Variants in VOPP1 observed in about 807,000 individuals in gnomAD.
VOPP1 encodes WW domain binding protein VOPP1.
In VOPP1, 8 loss-of-function variants were observed where a neutral mutation model predicts 23.5. The ratio of observed to expected loss-of-function variants is 0.34; its 90% CI spans 0.20 to 0.61. The LOEUF is 0.61. Among genes scored for constraint, VOPP1 ranks in the 20% least tolerant of loss-of-function variants. VOPP1 has a pLI of 0.78. For synonymous variants in VOPP1, 83 were observed against 97.3 expected, an observed-to-expected ratio of 0.85 and a Z score of 0.86; for missense variants, 174 against 238.1, an observed-to-expected ratio of 0.73 and a Z score of 1.77.
At chr7:55,447,479 G>A (rs1402402981) in intron 4 of VOPP1, among the ~76,000 whole-genome samples, 1 of 152,196 alleles carries the variant, frequency 6.6e-6, no homozygotes, top group African/African-American at 2.4e-5. Flanking sequence ...TCAAAGGACA[G>A]GGGAGAGACT....
chr7:55,444,729 A>T (rs1291525409), intron 4 of VOPP1, among the ~76,000 whole-genome samples: 68 of 116,568 alleles, frequency 5.8e-4, no homozygotes, highest in African/African-American at 1.8e-3. Context: ...TTTTTTTTTT[A>T]AATCTAAACA....
At chr7:55,554,171 T>C (rs1038367527) in intron 1 of VOPP1, among the ~76,000 whole-genome samples, 40 of 152,234 alleles carry the variant, frequency 2.6e-4, no homozygotes, top group Non-Finnish European at 8.8e-5. Context: ...ACTTTCCAAG[T>C]GGCTGGTCAA....
rs770492965 is a variant in VOPP1 at position 55,485,967 on chromosome 7, C to T, written c.328+6315G>A. Reference sequence around the variant, plus strand: ...CCCACGGGGAGAGGAATGCAGCCAGCGAGGCGGGCGGGGGACCTGTCAGAC... The same window carrying T: ...CCCACGGGGAGAGGAATGCAGCCAGTGAGGCGGGCGGGGGACCTGTCAGAC... On this transcript the variant is annotated intron_variant, in intron 4 of 4. Transcript: ENST00000285279. 3.9e-5 allele frequency among the ~76,000 whole-genome samples: 6 copies of T among 152,340 alleles called. No individual in the cohort carries two copies. The East Asian group carries it at 7.7e-4, about 20-fold the overall frequency.
chr7:55,494,793 G>C (rs1265178769), intron 3 of VOPP1, among the ~76,000 whole-genome samples: 1 of 152,140 alleles, frequency 6.6e-6, no homozygotes, highest in Non-Finnish European at 1.5e-5. Context: ...AACTAACAAA[G>C]GGGCAGGAGA....
At chr7:55,510,399 T>G (rs528543174) in intron 2 of VOPP1, among the ~76,000 whole-genome samples, 21 of 152,194 alleles carry the variant, frequency 1.4e-4, no homozygotes, top group South Asian at 6.2e-4. Flanking sequence ...ATAAACTTGT[T>G]TGTGGAGGCC....
intron 4 of VOPP1, among the ~76,000 whole-genome samples, chr7:55,479,151 T>C (rs1792502642): frequency 2.0e-5 from 1 of 50,990 alleles, no homozygotes; most frequent in African/African-American, 4.2e-5. Context: ...GAACATTTTC[T>C]TTTTTTTTTT....
At chr7:55,481,271 G>C (rs1385630877) in intron 4 of VOPP1, among the ~76,000 whole-genome samples, 1 of 152,230 alleles carries the variant, frequency 6.6e-6, no homozygotes, top group African/African-American at 2.4e-5. Flanking sequence ...CCGCTGGGCA[G>C]CCAGGAGGGG....
At chr7:55,508,935 T>C (rs1794900821) in intron 2 of VOPP1, among the ~76,000 whole-genome samples, 1 of 152,288 alleles carries the variant, frequency 6.6e-6, no homozygotes, top group East Asian at 1.9e-4. Flanking sequence ...TCCTAGCGAC[T>C]CAGAGGCTGA....
At chr7:55,464,927 C>A (rs942893425) in intron 4 of VOPP1, among the ~76,000 whole-genome samples, 6 of 152,152 alleles carry the variant, frequency 3.9e-5, no homozygotes, top group Admixed American at 2.0e-4. Context: ...GAGGGGCTCT[C>A]CTGTGGCTAG....
intron 1 of VOPP1, among the ~76,000 whole-genome samples, chr7:55,529,731 A>G (rs1796392035): frequency 6.6e-6 from 1 of 152,190 alleles, no homozygotes; most frequent in Non-Finnish European, 1.5e-5. Flanking sequence ...GTTGTTCTGC[A>G]GTCAATTCCA....
chr7:55,556,379 G>A (rs778810430), intron 1 of VOPP1, among the ~76,000 whole-genome samples: 1 of 152,280 alleles, frequency 6.6e-6, no homozygotes, highest in African/African-American at 2.4e-5. Context: ...TGGATTCCAT[G>A]AGCCAAAATT....
intron 2 of VOPP1, among the ~76,000 whole-genome samples, chr7:55,504,953 C>T (rs116885887): frequency 1.4e-3 from 215 of 152,332 alleles, no homozygotes; most frequent in Non-Finnish European, 2.4e-3. Context: ...GTTCTGTCTT[C>T]TCATGCTGTA....
At chr7:55,534,228 TAGAC>T (rs1796653281) in intron 1 of VOPP1, among the ~76,000 whole-genome samples, 2 of 150,474 alleles carry the variant, frequency 1.3e-5, no homozygotes, top group Non-Finnish European at 2.9e-5. Flanking sequence ...AGACACTTAA[TAGAC>T]AGACATTCCT....
At chr7:55,442,979 C>T (rs1368075455) in intron 4 of VOPP1, among the ~76,000 whole-genome samples, 11 of 151,980 alleles carry the variant, frequency 7.2e-5, no homozygotes, top group Admixed American at 6.6e-4. Flanking sequence ...ATTAGCCAGG[C>T]GTGGTGGCAG....
chr7:55,558,215 T>TAAG (rs1797873545), intron 1 of VOPP1, among the ~76,000 whole-genome samples: 1 of 151,736 alleles, frequency 6.6e-6, no homozygotes, highest in South Asian at 2.1e-4. Context: ...TGACACACAA[T>TAAG]AATAATAATA....
rs200450690 is a variant in VOPP1 at position 55,572,277 on chromosome 7, G to A, written c.48C>T (p.Leu16=). 20,535 of 1,522,300 alleles carry A rather than the reference G, an allele frequency of 0.013. 166 individuals carry two copies. Among genetic ancestry groups the A allele is most frequent in the Middle Eastern group, 0.024 (105 of 4,306 alleles). The allele number at this position is 1,522,300 out of a possible 1,614,324, so 94.3% of individuals were successfully genotyped here. Residue 16 remains leucine, a synonymous_variant, in exon 1 of 5, where the codon CTC becomes CTT. Coordinates refer to ENST00000285279, the MANE Select transcript of VOPP1 (RefSeq NM_030796.5). Reference sequence around the variant, plus strand: ...CCCGGTCCCCGGCCCCTACCTCCAAGAGCAGCCCGAGCAGCAGCGCCGCCA... The same window carrying A: ...CCCGGTCCCCGGCCCCTACCTCCAAAAGCAGCCCGAGCAGCAGCGCCGCCA... ...AKVAALLLGL[L]LECTEAKKHC... is the part of the protein sequence containing the mutation.
intron 1 of VOPP1, among the ~76,000 whole-genome samples, chr7:55,524,939 T>A (rs868815790): frequency 2.5e-4 from 38 of 152,258 alleles, no homozygotes; most frequent in Middle Eastern, 6.8e-3. Context: ...AAGGGGAGTT[T>A]GCCAGGGACA....
rs539705052 is a variant in VOPP1 at position 55,557,540 on chromosome 7, G to C, written c.54+14731C>G. On this transcript the variant is annotated intron_variant, in intron 1 of 4. Transcript: ENST00000285279. ...ATGTCTGTTTATATTTCAATCGTTG[G>C]CTTGACTTCCAATCTGAAAATTCCG... Among the ~76,000 whole-genome samples, 28 of 151,794 alleles carry C rather than the reference G, an allele frequency of 1.8e-4. No individual in the cohort carries two copies. The South Asian group carries it at 4.6e-3, about 25-fold the overall frequency.
chr7:55,533,177 C>T (rs1193032274), intron 1 of VOPP1, among the ~76,000 whole-genome samples: 1 of 152,224 alleles, frequency 6.6e-6, no homozygotes, highest in Non-Finnish European at 1.5e-5. Flanking sequence ...TTAACACAAA[C>T]TCACATGAGT....
Sources: gnomAD v4.1 joint callset for allele counts (sites outside exome capture counted in the v4.1 genomes callset) on GRCh38, gnomAD v4.1.1 for gene constraint, MANE v1.5 for transcripts, NCBI Gene and HGNC (gene_info 2026-07-23, HGNC 2026-07-21) for gene names.